The following CEACAM6 variants were observed in gnomAD, a reference collection of about 807,000 sequenced individuals.
CEACAM6 encodes the protein cell adhesion molecule CEACAM6.
A neutral mutation model predicts 32.4 loss-of-function variants in CEACAM6; 21 were observed. The observed-to-expected ratio is 0.65, with a 90% confidence interval of 0.46 to 0.93. The LOEUF (loss-of-function observed/expected upper bound fraction) is 0.93, where lower values mean the gene tolerates loss of function less well. CEACAM6 is among the 40% of genes least tolerant of loss of function. The pLI, the probability that CEACAM6 is intolerant of heterozygous loss-of-function variation, is 0.00. For synonymous variants in CEACAM6, 184 were observed against 174.4 expected, an observed-to-expected ratio of 1.06 and a Z score of -0.43; for missense variants, 406 against 432.2, an observed-to-expected ratio of 0.94 and a Z score of 0.54.
intron 2 of CEACAM6, among the ~76,000 whole-genome samples, chr19:41,759,549 A>G (rs2072910275): frequency 6.6e-6 from 1 of 151,976 alleles, no homozygotes; most frequent in Non-Finnish European, 1.5e-5. Flanking sequence ...TCCTAAGAGG[A>G]CTCATATGCC....
chr19:41,764,488 C>G (rs1334248596), intron 4 of CEACAM6, among the ~76,000 whole-genome samples: 3 of 152,132 alleles, frequency 2.0e-5, no homozygotes, highest in Non-Finnish European at 4.4e-5. Context: ...CTGTGTCGCC[C>G]TATGTTGCAT....
chr19:41,762,093 G>A lies in CEACAM6; in HGVS notation c.828G>A (p.Thr276=), dbSNP rs781826966. Residue 276 remains threonine (T), a synonymous_variant, in exon 4 of 6, where the codon ACG becomes ACA. Coordinates refer to ENST00000199764, the MANE Select transcript of CEACAM6 (RefSeq NM_002483.7). The stretch of plus-strand genomic sequence containing the variant: ...AGTACTCTTGGTTTATCAATGGGAC[G>A]TTCCAGCAATCCACACAAGAGCTCT... The part of the protein sequence containing the change: ...PAQYSWFING[T]FQQSTQELFI... The A allele has an allele frequency of 1.1e-5, 17 of 1,614,022 alleles. 1 individual carries two copies. The highest frequency in any genetic ancestry group is 1.6e-4 in the Middle Eastern group (1 of 6,084).
intron 4 of CEACAM6, among the ~76,000 whole-genome samples, chr19:41,763,098 C>T (rs544228401): frequency 7.2e-5 from 11 of 152,276 alleles, no homozygotes; most frequent in African/African-American, 2.4e-4. Context: ...GACTACCAGC[C>T]ACTATGTATC....
intron 2 of CEACAM6, among the ~76,000 whole-genome samples, chr19:41,758,238 T>A (rs928952455): frequency 1.3e-5 from 2 of 152,136 alleles, no homozygotes; most frequent in African/African-American, 4.8e-5. Context: ...GATGTGTGGG[T>A]GTCACTCCCA....
chr19:41,764,286 C>A (rs139119033), intron 4 of CEACAM6, among the ~76,000 whole-genome samples: 8 of 152,154 alleles, frequency 5.3e-5, no homozygotes, highest in Non-Finnish European at 1.0e-4. Context: ...GTAGCAATGT[C>A]ATCAATTTTT....
In CEACAM6 at chr19:41,771,088, C is replaced by T. The variant is rs2072991404; in HGVS notation, c.*327C>T. 6.6e-6 allele frequency: 1 copy of T among 152,186 alleles called. No individual in the cohort carries two copies. The highest frequency in any genetic ancestry group is 6.5e-5 in the Admixed American group (1 of 15,274). The allele number at this position is 152,186 out of a possible 1,614,324, so 9.4% of individuals were successfully genotyped here. ...ACTCCTCATCATGATAAGGCTCTTA[C>T]CCCCTTTTAATTTGTCCTTGCTTAT... On this transcript the variant is annotated 3_prime_UTR_variant, in exon 6 of 6. Transcript: ENST00000199764.
At chr19:41,759,959 G>T (rs1420434667) in intron 2 of CEACAM6, among the ~76,000 whole-genome samples, 2 of 152,144 alleles carry the variant, frequency 1.3e-5, no homozygotes, top group Non-Finnish European at 2.9e-5. Flanking sequence ...TAGATTCTGG[G>T]TTTTCAAAAT....
chr19:41,759,941 G>C (rs2072912682), intron 2 of CEACAM6, among the ~76,000 whole-genome samples: 1 of 152,144 alleles, frequency 6.6e-6, no homozygotes, highest in Non-Finnish European at 1.5e-5. Flanking sequence ...ATGCTCACTG[G>C]AGCATTTTAG....
At chr19:41,769,519 T>C (rs1370623203) in intron 5 of CEACAM6, among the ~76,000 whole-genome samples, 1 of 152,062 alleles carries the variant, frequency 6.6e-6, no homozygotes, top group African/African-American at 2.4e-5. Context: ...TATGATTTTT[T>C]ATTTGAAATT....
In CEACAM6 at chr19:41,760,349, T is replaced by C. The variant is rs2072915008; in HGVS notation, c.425-900T>C. ...AACTTCTCCTCAAATTTCTGTCTCA[T>C]ATCTGTCAAACACACATGGTCCTTG... On this transcript the variant is annotated intron_variant, in intron 2 of 5. Transcript: ENST00000199764. Among the ~76,000 whole-genome samples the C allele has an allele frequency of 2.6e-5, 4 of 152,250 alleles. No individual in the cohort carries two copies. In the South Asian group the frequency reaches 8.3e-4, roughly 32 times the overall value.
chr19:41,761,895 T>C (rs1600497613), intron 3 of CEACAM6, 74 bp from the exon 4 acceptor site: 1 of 1,559,340 alleles, frequency 6.4e-7, no homozygotes, highest in South Asian at 1.2e-5. Context: ...GGGGACACCG[T>C]GGCCCTTCCA....
intron 3 of CEACAM6, 117 bp downstream of exon 3, chr19:41,761,644 A>G: frequency 2.0e-6 from 3 of 1,531,964 alleles, no homozygotes; most frequent in Non-Finnish European, 2.7e-6. Flanking sequence ...CAGGCTGGCC[A>G]TGACTTCCTG....
Position 41,756,686 on chromosome 19 carries a change from G to A in CEACAM6, c.151G>A (p.Val51Ile). Residue 51 changes from valine (V) to isoleucine (I), a missense_variant, in exon 2 of 6, where the codon GTT becomes ATT. Coordinates refer to ENST00000199764, the MANE Select transcript of CEACAM6 (RefSeq NM_002483.7). Reference protein sequence around the residue: ...TPFNVAEGKEVLLLAHNLPQN... With the variant: ...TPFNVAEGKEILLLAHNLPQN... ...GTTCAATGTCGCAGAGGGGAAGGAG[G>A]TTCTTCTACTCGCCCACAACCTGCC... The A allele has an allele frequency of 6.2e-7, 1 of 1,614,124 alleles. No individual in the cohort carries two copies.
intron 5 of CEACAM6, among the ~76,000 whole-genome samples, chr19:41,769,466 T>A (rs1233632735): frequency 2.6e-5 from 4 of 152,188 alleles, no homozygotes; most frequent in Admixed American, 6.5e-5. Flanking sequence ...AAGCAGAGAA[T>A]TCATTTCATG....
At chr19:41,760,274 A>G (rs144589490) in intron 2 of CEACAM6, among the ~76,000 whole-genome samples, 70 of 152,340 alleles carry the variant, frequency 4.6e-4, no homozygotes, top group African/African-American at 1.5e-3. Flanking sequence ...CTGTCCTGTG[A>G]GTGACTTATT....
In CEACAM6 at chr19:41,759,921, C is replaced by T. The variant is rs140711314; in HGVS notation, c.425-1328C>T. Among the ~76,000 whole-genome samples the T allele has an allele frequency of 8.3e-4, 127 of 152,258 alleles. 2 individuals carry two copies. Among genetic ancestry groups the T allele is most frequent in the African/African-American group, 2.9e-3 (121 of 41,526 alleles). On this transcript the variant is annotated intron_variant, in intron 2 of 5. Coordinates refer to ENST00000199764, the MANE Select transcript of CEACAM6 (RefSeq NM_002483.7). ...ACACTTTTTGACCACTAAAGTGATG[C>T]TGAAAAGAAATGCTCACTGGAGCAT...
intron 2 of CEACAM6, among the ~76,000 whole-genome samples, chr19:41,758,825 C>T (rs964988599): frequency 1.3e-5 from 2 of 152,284 alleles, no homozygotes; most frequent in Non-Finnish European, 2.9e-5. Context: ...GGCCCACATC[C>T]CAGGCAACAG....
chr19:41,762,273 C>T, intron 4 of CEACAM6, 50 bp downstream of exon 4: 4 of 1,581,322 alleles, frequency 2.5e-6, no homozygotes, highest in Middle Eastern at 1.7e-4. Flanking sequence ...TGGAGTCTGG[C>T]TCTCAGAGAA....
intron 2 of CEACAM6, among the ~76,000 whole-genome samples, chr19:41,759,867 A>G (rs782443544): frequency 6.6e-6 from 1 of 152,156 alleles, no homozygotes; most frequent in Non-Finnish European, 1.5e-5. Flanking sequence ...ACATCCAATA[A>G]TCCAAAATCT....
Sources: gnomAD v4.1 joint callset for allele counts (sites outside exome capture counted in the v4.1 genomes callset) on GRCh38, gnomAD v4.1.1 for gene constraint, MANE v1.5 for transcripts, NCBI Gene and HGNC (gene_info 2026-07-23, HGNC 2026-07-21) for gene names.